KAZN: variants seen among roughly 807,000 people sequenced by gnomAD.
KAZN encodes the protein kazrin, periplakin interacting protein, also known as kazrin.
Under a neutral mutation model 87.4 loss-of-function variants are expected in KAZN, and 40 were observed. That is an observed-to-expected ratio of 0.46 (90% CI 0.36 to 0.60). KAZN has a LOEUF of 0.60. Among genes scored for constraint, KAZN ranks in the 20% least tolerant of loss-of-function variants. The pLI is 0.00. For missense variants in KAZN, 898 were observed against 1,073.9 expected, an observed-to-expected ratio of 0.84 and a Z score of 2.29; for synonymous variants, 466 against 458.3, an observed-to-expected ratio of 1.02 and a Z score of -0.22.
intron 1 of KAZN, among the ~76,000 whole-genome samples, chr1:14,839,673 G>A (rs1342249425): frequency 6.6e-6 from 1 of 152,148 alleles, no homozygotes; most frequent in Non-Finnish European, 1.5e-5. Context: ...TGTTATTGTT[G>A]TTGCTCTTTC....
At chr1:14,944,946 C>G (rs1002182466) in intron 1 of KAZN, among the ~76,000 whole-genome samples, 2 of 152,154 alleles carry the variant, frequency 1.3e-5, no homozygotes, top group African/African-American at 2.4e-5. Context: ...GAGTTACATT[C>G]GTTGGGTTTT....
rs1242113602 is a variant in KAZN, at chr1:14,735,306, C to A, written c.226+136083C>A. Among the ~76,000 whole-genome samples the A allele has an allele frequency of 6.6e-6, 1 of 152,152 alleles. No homozygotes were observed. Among genetic ancestry groups the A allele is most frequent in the African/African-American group, 2.4e-5 (1 of 41,438 alleles). On this transcript the variant is annotated intron_variant, in intron 1 of 14. Transcript: ENST00000376030. This position sits in a 1 kb window ranked among gnomAD's most constrained non-coding sequence, Gnocchi z 4.3. Reference sequence around the variant, plus strand: ...CGATCTCCTGACCTCGTGATCCGCCCGCCTCGGCCTCCCAAAGTGCTGGGA... The same window carrying A: ...CGATCTCCTGACCTCGTGATCCGCCAGCCTCGGCCTCCCAAAGTGCTGGGA...
intron 1 of KAZN, among the ~76,000 whole-genome samples, chr1:14,790,080 G>A (rs7536655): frequency 0.032 from 4,830 of 151,556 alleles, 104 homozygotes; most frequent in East Asian, 0.056. Context: ...TTGACTCACC[G>A]CAACCTCCGC....
At chr1:14,616,581 A>G (rs1335414603) in intron 1 of KAZN, among the ~76,000 whole-genome samples, 4 of 152,102 alleles carry the variant, frequency 2.6e-5, no homozygotes, top group Non-Finnish European at 5.9e-5. Context: ...CCCTCTGCCC[A>G]TAAATCAGCG....
At chr1:15,083,951 T>G (rs1640130103) in intron 8 of KAZN, among the ~76,000 whole-genome samples, 1 of 152,214 alleles carries the variant, frequency 6.6e-6, no homozygotes, top group Non-Finnish European at 1.5e-5. Flanking sequence ...GCTCCCACAC[T>G]AGCCTGCTGG....
chr1:14,403,733 T>C (rs147621244), intron 2 of KAZN, among the ~76,000 whole-genome samples: 496 of 152,278 alleles, frequency 3.3e-3, no homozygotes, highest in African/African-American at 0.012. Context: ...TCACAGCATC[T>C]GTGGAGGAAA....
chr1:14,017,647 G>A (rs1471524594), intron 1 of KAZN, among the ~76,000 whole-genome samples: 1 of 152,194 alleles, frequency 6.6e-6, no homozygotes, highest in Non-Finnish European at 1.5e-5. Context: ...AGGCTCTGTC[G>A]GGTTCAGTGC....
At chr1:14,455,096 T>C (rs565443175) in intron 2 of KAZN, among the ~76,000 whole-genome samples, 1 of 152,316 alleles carries the variant, frequency 6.6e-6, no homozygotes, top group South Asian at 2.1e-4. Context: ...GGGTCCAGGA[T>C]GGAAGCCAAC....
intron 2 of KAZN, among the ~76,000 whole-genome samples, chr1:14,483,672 T>C (rs1048862715): frequency 6.6e-6 from 1 of 152,246 alleles, no homozygotes; most frequent in East Asian, 1.9e-4. Flanking sequence ...ACATCGGTTT[T>C]ATACATTTAT....
At chr1:14,587,699 C>T (rs1489022978) in intron 2 of KAZN, among the ~76,000 whole-genome samples, 2 of 151,982 alleles carry the variant, frequency 1.3e-5, no homozygotes, top group Non-Finnish European at 2.9e-5. Flanking sequence ...CACTCATCAC[C>T]AAGGGTTTGG....
chr1:15,101,723 C>A lies in KAZN; in HGVS notation c.1728C>A (p.Val576=). ...ACGTGTCCAAGAAGTTCCACCAGGT[C>A]AGCATCCTGCTGGGGATCGAGCTGC... ...HLNVSKKFHQ[V]SILLGIELLY... is the part of the protein sequence containing the mutation. The change falls in exon 11 of 15, where the codon GTC becomes GTA. Residue 576 remains valine, a synonymous_variant. Coordinates refer to ENST00000376030, the MANE Select transcript of KAZN (RefSeq NM_201628.3). The A allele has an allele frequency of 6.3e-7, 1 of 1,593,746 alleles. No individual in the cohort carries two copies.
rs529690843 is a variant in KAZN, at chr1:15,103,342, C to T, written c.1780-17C>T. ...TGTCCCCTTGTCCCTCCGAATGACC[C>T]ACTGTCTCCCCACAAGGCCCTCCAG... On this transcript the variant is annotated splice_polypyrimidine_tract_variant and intron_variant, in intron 11 of 14. Coordinates refer to ENST00000376030, the MANE Select transcript of KAZN (RefSeq NM_201628.3). 4 of 1,545,466 alleles carry T rather than the reference C, an allele frequency of 2.6e-6. No individual in the cohort carries two copies. The highest frequency in any genetic ancestry group is 2.4e-5 in the South Asian group (2 of 83,908).
intron 2 of KAZN, among the ~76,000 whole-genome samples, chr1:14,408,398 G>A (rs1480292293): frequency 6.6e-6 from 1 of 152,194 alleles, no homozygotes; most frequent in Non-Finnish European, 1.5e-5. Flanking sequence ...AGATCCCATA[G>A]ATTCAGAGGG....
intron 2 of KAZN, among the ~76,000 whole-genome samples, chr1:14,359,975 G>A (rs919660816): frequency 1.3e-5 from 2 of 152,188 alleles, no homozygotes; most frequent in Non-Finnish European, 2.9e-5. Context: ...GAATTTGGAT[G>A]TTGGCCTGTC....
chr1:14,766,682 C>G (rs1032198308), intron 1 of KAZN, among the ~76,000 whole-genome samples: 2 of 149,136 alleles, frequency 1.3e-5, no homozygotes, highest in African/African-American at 5.0e-5. Context: ...TGTTGGAGCT[C>G]ACAGTCCAGT....
intron 2 of KAZN, among the ~76,000 whole-genome samples, chr1:14,372,741 T>C (rs1328735089): frequency 1.3e-5 from 2 of 152,208 alleles, no homozygotes; most frequent in Admixed American, 1.3e-4. Context: ...CATTGTTGAT[T>C]ACAAGTGGCA....
At chr1:15,072,222 G>C (rs1454503737) in intron 8 of KAZN, among the ~76,000 whole-genome samples, 1 of 152,168 alleles carries the variant, frequency 6.6e-6, no homozygotes. Flanking sequence ...AAAAGGGCTG[G>C]CCCCATGATT....
chr1:15,097,578 G>T (rs570963426), intron 10 of KAZN, among the ~76,000 whole-genome samples: 4 of 152,078 alleles, frequency 2.6e-5, no homozygotes, highest in African/African-American at 9.7e-5. Context: ...CAGCACTTTG[G>T]GAGGCCAAGG....
At chr1:14,006,316 C>A (rs1640035523) in intron 1 of KAZN, among the ~76,000 whole-genome samples, 1 of 152,108 alleles carries the variant, frequency 6.6e-6, no homozygotes, top group Admixed American at 6.5e-5. Context: ...AAGTATGGCA[C>A]CAGTGTCTGC....
Sources: allele counts gnomAD v4.1 joint callset (sites outside exome capture counted in the v4.1 genomes callset), GRCh38; gene constraint gnomAD v4.1.1; non-coding constraint Gnocchi (gnomAD v3.1); transcripts MANE v1.5; gene names NCBI Gene and HGNC (gene_info 2026-07-23, HGNC 2026-07-21).